Variants in RBFOX2 observed in about 807,000 individuals in gnomAD.
The protein encoded by RBFOX2 is RNA binding protein fox-1 homolog 2.
Under a neutral mutation model 49.1 loss-of-function variants are expected in RBFOX2, and 10 were observed. The observed-to-expected ratio is 0.20, with a 90% CI of 0.13 to 0.35. RBFOX2 has a LOEUF of 0.35. Among genes scored for constraint, RBFOX2 ranks in the 10% least tolerant of loss-of-function variants. RBFOX2 has a pLI of 1.00. For missense variants in RBFOX2, 323 were observed against 486.9 expected (o/e 0.66, Z 3.17); for synonymous variants, 183 against 187.4 (o/e 0.98, Z 0.19).
At chr22:36,012,931 A>C (rs966871185) in intron 1 of RBFOX2, among the ~76,000 whole-genome samples, 1 of 151,696 alleles carries the variant, frequency 6.6e-6, no homozygotes, top group Non-Finnish European at 1.5e-5. Flanking sequence ...CGCCCAGCAA[A>C]TTTTTTTTAT....
intron 1 of RBFOX2, among the ~76,000 whole-genome samples, chr22:36,019,774 G>A (rs1314148032): frequency 6.6e-6 from 1 of 151,930 alleles, no homozygotes; most frequent in Non-Finnish European, 1.5e-5. Flanking sequence ...AACAGAGAAG[G>A]GACTCATGGA....
intron 1 of RBFOX2, chr22:35,998,241 A>G (rs1324154789): frequency 6.6e-6 from 1 of 152,116 alleles, no homozygotes; most frequent in African/African-American, 2.4e-5. Context: ...TTACACCATC[A>G]ACTTACCTTA....
chr22:36,009,599 G>C (rs2058738713), intron 1 of RBFOX2, among the ~76,000 whole-genome samples: 1 of 152,072 alleles, frequency 6.6e-6, no homozygotes, highest in Non-Finnish European at 1.5e-5. Flanking sequence ...ATGTTGCCCA[G>C]GCTAGTCTCA....
chr22:35,957,992 A>G lies in RBFOX2; in HGVS notation c.42+3571T>C, dbSNP rs188699604. 1.7e-3 allele frequency among the ~76,000 whole-genome samples: 257 copies of G among 152,344 alleles called. 1 individual carries two copies. The highest frequency in any genetic ancestry group is 0.012 in the South Asian group (59 of 4,830). On this transcript the variant is annotated intron_variant, in intron 1 of 5. Transcript: ENST00000408983. ...AAAGATACCTCTTAATTAGCCTCAGAGTATAAAAGAAATACATTTCAAAGG... is the reference window on the plus strand; with the variant it reads ...AAAGATACCTCTTAATTAGCCTCAGGGTATAAAAGAAATACATTTCAAAGG...
intron 9 of RBFOX2, chr22:35,747,641 A>G (rs1412506089): frequency 6.6e-6 from 1 of 152,232 alleles, no homozygotes; most frequent in African/African-American, 2.4e-5. Flanking sequence ...ACTTTTTATT[A>G]TTTATGAAAT....
At chr22:35,856,849 A>G (rs1159017317) in intron 1 of RBFOX2, among the ~76,000 whole-genome samples, 1 of 152,084 alleles carries the variant, frequency 6.6e-6, no homozygotes, top group African/African-American at 2.4e-5. Flanking sequence ...CTTGGGCAAC[A>G]CGGTGAAACC....
At chr22:35,867,222 T>C (rs747450128) in intron 1 of RBFOX2, among the ~76,000 whole-genome samples, 1 of 152,196 alleles carries the variant, frequency 6.6e-6, no homozygotes, top group African/African-American at 2.4e-5. Context: ...GTGTCACAAG[T>C]AGTTTGCCTA....
intron 1 of RBFOX2, among the ~76,000 whole-genome samples, chr22:35,982,560 G>A (rs532771221): frequency 8.5e-5 from 13 of 152,174 alleles, no homozygotes; most frequent in African/African-American, 2.9e-4. Context: ...ACATTTGCTG[G>A]GGTGATTACA....
chr22:35,993,119 TA>T (rs79894404), intron 1 of RBFOX2: 29,413 of 152,066 alleles, frequency 0.19, 3,677 homozygotes, highest in East Asian at 0.27. Flanking sequence ...AGAAAGGACA[TA>T]AACAGATGCA....
At chr22:35,913,013 A>G (rs2049998175) in intron 1 of RBFOX2, among the ~76,000 whole-genome samples, 1 of 152,212 alleles carries the variant, frequency 6.6e-6, no homozygotes, top group African/African-American at 2.4e-5. Flanking sequence ...TTCAATTGTT[A>G]ATGGTTTTGT....
intron 1 of RBFOX2, among the ~76,000 whole-genome samples, chr22:35,902,221 A>G (rs1447097525): frequency 6.6e-6 from 1 of 152,120 alleles, no homozygotes. Context: ...GACGTCATGA[A>G]GTCCTCCCAT....
At chr22:35,815,279 G>A (rs1236434997) in intron 1 of RBFOX2, among the ~76,000 whole-genome samples, 4 of 152,252 alleles carry the variant, frequency 2.6e-5, no homozygotes, top group South Asian at 2.1e-4. Context: ...AATTGAGAGA[G>A]CAGGTGAAAC....
At chr22:35,973,767 T>G (rs2057003803) in intron 1 of RBFOX2, among the ~76,000 whole-genome samples, 1 of 152,218 alleles carries the variant, frequency 6.6e-6, no homozygotes, top group Non-Finnish European at 1.5e-5. Context: ...AAGAGAAAAT[T>G]ACTCCTATAT....
intron 1 of RBFOX2, among the ~76,000 whole-genome samples, chr22:35,868,363 T>C (rs2043934650): frequency 6.6e-6 from 1 of 152,186 alleles, no homozygotes; most frequent in Non-Finnish European, 1.5e-5. Flanking sequence ...TCATAGAAAG[T>C]GTAGGTTAAC....
chr22:35,920,150 T>C (rs968657195), intron 1 of RBFOX2, among the ~76,000 whole-genome samples: 2 of 152,262 alleles, frequency 1.3e-5, no homozygotes, highest in African/African-American at 2.4e-5. Context: ...CAAGTTACTT[T>C]AAATGTCACT....
intron 1 of RBFOX2, among the ~76,000 whole-genome samples, chr22:35,929,893 T>G (rs1421676911): frequency 6.6e-6 from 1 of 151,970 alleles, no homozygotes; most frequent in African/African-American, 2.4e-5. Context: ...TTGAAAGAAT[T>G]TGGGGAATGA....
At chr22:35,756,498 TA>T (rs1411762555) in intron 9 of RBFOX2, among the ~76,000 whole-genome samples, 2 of 152,284 alleles carry the variant, frequency 1.3e-5, no homozygotes, top group East Asian at 3.9e-4. Context: ...GGAGTATTTT[TA>T]AAAATAAGCT....
intron 2 of RBFOX2, among the ~76,000 whole-genome samples, chr22:35,806,187 G>A (rs1420562589): frequency 6.6e-6 from 1 of 152,048 alleles, no homozygotes; most frequent in Non-Finnish European, 1.5e-5. Flanking sequence ...ACTCTGGTGT[G>A]CAATGTTGTT....
chr22:36,012,615 T>C (rs2146393373), intron 1 of RBFOX2, among the ~76,000 whole-genome samples: 1 of 152,186 alleles, frequency 6.6e-6, no homozygotes, highest in South Asian at 2.1e-4. Flanking sequence ...ATAACATAAA[T>C]GTAATTGTTG....
Sources: gnomAD v4.1 joint callset for allele counts (sites outside exome capture counted in the v4.1 genomes callset) on GRCh38, gnomAD v4.1.1 for gene constraint, MANE v1.5 for transcripts, NCBI Gene and HGNC (gene_info 2026-07-23, HGNC 2026-07-21) for gene names.